Variants in OPCML observed in about 807,000 individuals in gnomAD.
The protein encoded by OPCML is opioid-binding protein/cell adhesion molecule.
Under a neutral mutation model 37.8 loss-of-function variants are expected in OPCML, and 13 were observed. The ratio of observed to expected loss-of-function variants is 0.34; its 90% CI spans 0.22 to 0.55. The LOEUF is 0.55. Among genes scored for constraint, OPCML ranks in the 20% least tolerant of loss-of-function variants. OPCML has a pLI of 0.91. For synonymous variants in OPCML, 176 were observed against 168.8 expected (o/e 1.04, Z -0.33); for missense variants, 341 against 435.6 (o/e 0.78, Z 1.93).
chr11:133,332,907 G>A (rs958439479), intron 1 of OPCML, among the ~76,000 whole-genome samples: 1 of 152,026 alleles, frequency 6.6e-6, no homozygotes, highest in Non-Finnish European at 1.5e-5. Context: ...GACTTCAAAC[G>A]ATACTACAAG....
chr11:133,158,125 G>T (rs1950087619), intron 1 of OPCML, among the ~76,000 whole-genome samples: 1 of 152,192 alleles, frequency 6.6e-6, no homozygotes, highest in African/African-American at 2.4e-5. Context: ...AGTGGCAGGT[G>T]CTTGGCTCTA....
At chr11:133,214,100 A>G (rs898631272) in intron 1 of OPCML, among the ~76,000 whole-genome samples, 5 of 152,102 alleles carry the variant, frequency 3.3e-5, no homozygotes, top group Admixed American at 6.5e-5. Context: ...TTTTCCCTTA[A>G]AATAATAATA....
At chr11:132,928,356 T>C (rs1945070982) in intron 2 of OPCML, among the ~76,000 whole-genome samples, 1 of 151,938 alleles carries the variant, frequency 6.6e-6, no homozygotes, top group African/African-American at 2.4e-5. Context: ...AAATAGACTT[T>C]AAGTCAAAAC....
chr11:133,499,859 C>CACACAT (rs1248231061), intron 1 of OPCML, among the ~76,000 whole-genome samples: 34 of 122,146 alleles, frequency 2.8e-4, no homozygotes, highest in African/African-American at 1.2e-3. Flanking sequence ...TATACATACA[C>CACACAT]ATATATATAT....
At chr11:133,483,792 A>AGAC in intron 1 of OPCML, among the ~76,000 whole-genome samples, 1 of 41,456 alleles carries the variant, frequency 2.4e-5, no homozygotes, top group Non-Finnish European at 3.8e-5. Flanking sequence ...ATAGATACAT[A>AGAC]GATGATAGAT....
chr11:132,668,604 T>A (rs531403414), intron 2 of OPCML, among the ~76,000 whole-genome samples: 1 of 152,324 alleles, frequency 6.6e-6, no homozygotes, highest in East Asian at 1.9e-4. Flanking sequence ...ACAAATATAA[T>A]TCAAGCTCTA....
At chr11:132,494,660 T>C (rs1252104045) in intron 4 of OPCML, among the ~76,000 whole-genome samples, 1 of 152,232 alleles carries the variant, frequency 6.6e-6, no homozygotes, top group Non-Finnish European at 1.5e-5. Context: ...AAGATTTCTA[T>C]GATTTTTTAA....
chr11:133,061,461 G>C (rs1020576963), intron 1 of OPCML, among the ~76,000 whole-genome samples: 9 of 152,180 alleles, frequency 5.9e-5, no homozygotes, highest in Non-Finnish European at 1.3e-4. Context: ...CCTGGAGATG[G>C]AAAGGAAATA....
intron 1 of OPCML, among the ~76,000 whole-genome samples, chr11:133,126,486 A>T (rs971818061): frequency 6.6e-6 from 1 of 152,180 alleles, no homozygotes; most frequent in African/African-American, 2.4e-5. Context: ...ACATAAAATT[A>T]ATCATCACAA....
Position 132,754,049 on chromosome 11 carries a change from G to A in OPCML, c.147-96730C>T, listed in dbSNP as rs1408469670. The stretch of plus-strand genomic sequence containing the variant: ...GCAGGCATCCATTAAGGTCTACTGT[G>A]CCTGGGCTGAGAGTGCCAGCTCCAC... On this transcript the variant is annotated intron_variant, in intron 2 of 7. Transcript: ENST00000524381. 2.6e-5 allele frequency among the ~76,000 whole-genome samples: 4 copies of A among 152,188 alleles called. No individual in the cohort carries two copies. In the East Asian group the frequency reaches 7.7e-4, roughly 29 times the overall value.
At chr11:132,514,333 C>A (rs1329383446) in intron 4 of OPCML, among the ~76,000 whole-genome samples, 1 of 152,138 alleles carries the variant, frequency 6.6e-6, no homozygotes, top group Non-Finnish European at 1.5e-5. Flanking sequence ...AAGTCGCCCA[C>A]AACCAGAAAC....
chr11:132,881,377 A>T (rs561534539), intron 2 of OPCML, among the ~76,000 whole-genome samples: 2 of 152,174 alleles, frequency 1.3e-5, no homozygotes, highest in Admixed American at 1.3e-4. Flanking sequence ...AGGCCCCCCA[A>T]GAAGGGGCAT....
At chr11:133,509,964 C>A (rs1948118837) in intron 1 of OPCML, among the ~76,000 whole-genome samples, 1 of 152,182 alleles carries the variant, frequency 6.6e-6, no homozygotes, top group Non-Finnish European at 1.5e-5. Flanking sequence ...ATTACCCTAA[C>A]CTTGGTGGTG....
intron 4 of OPCML, among the ~76,000 whole-genome samples, chr11:132,523,085 G>A (rs1452272639): frequency 6.6e-6 from 1 of 152,144 alleles, no homozygotes; most frequent in Non-Finnish European, 1.5e-5. Context: ...TACAGGCGTG[G>A]TTGTAGAGAT....
At chr11:133,329,757 C>A (rs994442571) in intron 1 of OPCML, among the ~76,000 whole-genome samples, 10 of 152,172 alleles carry the variant, frequency 6.6e-5, no homozygotes, top group Non-Finnish European at 1.0e-4. Context: ...CTAGGCAATA[C>A]CATTCAGGAC....
At chr11:132,775,912 G>A (rs1239184962) in intron 2 of OPCML, among the ~76,000 whole-genome samples, 1 of 152,164 alleles carries the variant, frequency 6.6e-6, no homozygotes, top group African/African-American at 2.4e-5. Context: ...GAACAGTAGA[G>A]GCTGTCACAT....
At chr11:132,846,802 C>T (rs1321252451) in intron 2 of OPCML, among the ~76,000 whole-genome samples, 1 of 152,158 alleles carries the variant, frequency 6.6e-6, no homozygotes, top group African/African-American at 2.4e-5. Flanking sequence ...AGGGAACTCC[C>T]TACCTTCCTA....
At chr11:133,454,086 C>A (rs1362152480) in intron 1 of OPCML, among the ~76,000 whole-genome samples, 1 of 152,096 alleles carries the variant, frequency 6.6e-6, no homozygotes, top group African/African-American at 2.4e-5. Context: ...CGGCGATTCT[C>A]CTTAGAATTG....
chr11:133,470,847 A>C (rs2137005357), intron 1 of OPCML, among the ~76,000 whole-genome samples: 1 of 152,326 alleles, frequency 6.6e-6, no homozygotes, highest in Non-Finnish European at 1.5e-5. Context: ...GAGATGCTTA[A>C]GAAGGCTTTT....
Sources: gnomAD v4.1 joint callset for allele counts (sites outside exome capture counted in the v4.1 genomes callset) on GRCh38, gnomAD v4.1.1 for gene constraint, MANE v1.5 for transcripts, NCBI Gene and HGNC (gene_info 2026-07-23, HGNC 2026-07-21) for gene names.